Variants in ARSG observed in about 807,000 individuals in gnomAD.
ARSG encodes the protein arylsulfatase G, also known as ASG.
A neutral mutation model predicts 50.5 loss-of-function variants in ARSG; 37 were observed. That is an observed-to-expected ratio of 0.73 (90% CI 0.56 to 0.96). The LOEUF is 0.96. Ranked by LOEUF, ARSG falls within the 50% of genes least tolerant of loss-of-function variation. ARSG has a pLI of 0.00. For missense variants in ARSG, 629 were observed against 675.3 expected (o/e 0.93, Z 0.76); for synonymous variants, 225 against 254.6 (o/e 0.88, Z 1.11).
intron 2 of ARSG, among the ~76,000 whole-genome samples, chr17:68,337,765 G>A (rs993324477): frequency 6.6e-6 from 1 of 152,032 alleles, no homozygotes; most frequent in Admixed American, 6.6e-5. Flanking sequence ...CTACAGGCAT[G>A]TGCCACCACG....
chr17:68,316,306 A>G (rs2077069024), intron 2 of ARSG, among the ~76,000 whole-genome samples: 5 of 151,998 alleles, frequency 3.3e-5, no homozygotes, highest in South Asian at 2.1e-4. Flanking sequence ...TCTCCTACCC[A>G]TTCTCCTGTT....
rs1555748426 is a variant in ARSG at position 68,271,131 on chromosome 17, T to G, written c.-552+11705T>G. ...TGAGGACAAAACCAGCTCCGATCCT[T>G]CCGAAAACTTCTGCAATGGCCATCG... is the stretch of plus-strand genomic sequence containing the variant. On this transcript the variant is annotated intron_variant, in intron 1 of 11. Transcript: ENST00000448504. The surrounding 1 kb of genome is among the most constrained non-coding windows in gnomAD (Gnocchi z 5.3). 6.2e-7 allele frequency: 1 copy of G among 1,614,108 alleles called. No individual in the cohort carries two copies. Among genetic ancestry groups the G allele is most frequent in the Non-Finnish European group, 8.5e-7 (1 of 1,180,018 alleles).
intron 1 of ARSG, chr17:68,267,517 T>C (rs1402464659): frequency 1.3e-5 from 2 of 152,216 alleles, no homozygotes; most frequent in Non-Finnish European, 2.9e-5. Context: ...CAGAGAAATA[T>C]TCAAGCTTGT....
chr17:68,320,983 C>A (rs902065649), intron 2 of ARSG, among the ~76,000 whole-genome samples: 18 of 152,154 alleles, frequency 1.2e-4, no homozygotes, highest in Non-Finnish European at 2.2e-4. Flanking sequence ...CATAACCAAG[C>A]TCAGCTGCCA....
intron 2 of ARSG, among the ~76,000 whole-genome samples, chr17:68,321,699 A>T (rs146415580): frequency 2.3e-3 from 357 of 152,214 alleles, no homozygotes; most frequent in Non-Finnish European, 4.3e-3. Flanking sequence ...AATACACATA[A>T]TTTATGCAAT....
Position 68,385,120 on chromosome 17 carries a change from G to A in ARSG, c.1039G>A (p.Ala347Thr), listed in dbSNP as rs1322772301. 1 of 1,614,058 alleles carries A rather than the reference G, an allele frequency of 6.2e-7. No homozygotes were observed. The highest frequency in any genetic ancestry group is 1.1e-5 in the South Asian group (1 of 91,076). ...AGGAGGGCACCGGGTCCCAGCACTG[G>A]CTTACTGGCCTGGCAGAGTTCCAGT... ...WEGGHRVPAL[A>T]YWPGRVPVNV... is the part of the protein sequence containing the mutation. Residue 347 changes from alanine to threonine, a missense_variant, in exon 9 of 12, where the codon GCT (alanine) becomes ACT (threonine). Ala to Thr is a moderately conservative substitution (Grantham distance 58, BLOSUM62 0). Transcript: ENST00000621439.
At chr17:68,440,202 C>T in the ARSG span, among the ~76,000 whole-genome samples, 1 of 152,182 alleles carries the variant, frequency 6.6e-6, no homozygotes, top group East Asian at 1.9e-4. Context: ...GGAATCCTGC[C>T]TTCCTACCCT....
chr17:68,277,993 T>A (rs2075579052), intron 1 of ARSG: 2 of 775,240 alleles, frequency 2.6e-6, no homozygotes, highest in East Asian at 2.7e-5. Context: ...TATAAGGGAA[T>A]GAAAGCATCA....
chr17:68,368,419 G>C (rs1383998579), intron 6 of ARSG, 129 bp from the exon 7 acceptor site: 3 of 755,114 alleles, frequency 4.0e-6, no homozygotes, highest in Non-Finnish European at 4.3e-6. Flanking sequence ...CTGGATAAAT[G>C]TGTCCTTCTT....
At chr17:68,287,360 A>G (rs2075865237), upstream of ARSG, among the ~76,000 whole-genome samples, 1 of 150,450 alleles carries the variant, frequency 6.6e-6, no homozygotes, top group African/African-American at 2.5e-5. Context: ...GGGTCTCCCT[A>G]TGTTGCCTAG....
the ARSG span, among the ~76,000 whole-genome samples, chr17:68,438,557 C>G: frequency 2.0e-5 from 3 of 152,168 alleles, no homozygotes; most frequent in Non-Finnish European, 4.4e-5. Flanking sequence ...GAGTTAAGAC[C>G]TTACAAATGC....
chr17:68,448,342 G>T, the ARSG span: 1 of 152,350 alleles, frequency 6.6e-6, no homozygotes, highest in Non-Finnish European at 1.5e-5. Context: ...GAAATGTAAA[G>T]GAAGGGAGAA....
In ARSG at chr17:68,395,161, G is replaced by T. The variant is rs754288324; in HGVS notation, c.1180G>T (p.Val394Leu). 6.2e-7 allele frequency: 1 copy of T among 1,614,028 alleles called. No homozygotes were observed. Among genetic ancestry groups the T allele is most frequent in the African/African-American group, 1.3e-5 (1 of 74,934 alleles). ...CTTTGATGGTGTGGACGTCTCCGAG[G>T]TGCTCTTTGGCCGGTCACAGCCTGG... ...RRFDGVDVSE[V>L]LFGRSQPGHR... Residue 394 changes from valine (V) to leucine (L), a missense_variant, in exon 10 of 12, where the codon GTG becomes TTG. Val to Leu is a conservative substitution (Grantham distance 32). Coordinates refer to ENST00000621439, the MANE Select transcript of ARSG (RefSeq NM_001267727.2).
At chr17:68,395,233 G>A (rs1242618874) in intron 10 of ARSG, 40 bp downstream of exon 10, 2 of 1,609,126 alleles carry the variant, frequency 1.2e-6, no homozygotes, top group Non-Finnish European at 1.7e-6. Flanking sequence ...AGGCTCTTTA[G>A]GAGGCTGGTC....
In ARSG at chr17:68,299,724, T is replaced by C. The variant is rs147967309; in HGVS notation, c.-551-7219T>C. Among the ~76,000 whole-genome samples the C allele has an allele frequency of 2.5e-3, 388 of 152,286 alleles. 5 individuals carry two copies. Among genetic ancestry groups the C allele is most frequent in the Middle Eastern group, 0.017 (5 of 294 alleles). Reference sequence around the variant, plus strand: ...ACCAAGTGCAGTGTGTTGTGAACCTTGTCTGGATACTGATTAGAACAAACC... The same window carrying C: ...ACCAAGTGCAGTGTGTTGTGAACCTCGTCTGGATACTGATTAGAACAAACC... On this transcript the variant is annotated intron_variant, in intron 1 of 11. Transcript: ENST00000621439.
the ARSG span, among the ~76,000 whole-genome samples, chr17:68,437,109 C>T: frequency 2.0e-5 from 3 of 151,858 alleles, no homozygotes; most frequent in Non-Finnish European, 2.9e-5. Flanking sequence ...ATTCCATTAT[C>T]CTCTAGGGTT....
intron 6 of ARSG, among the ~76,000 whole-genome samples, chr17:68,357,909 C>T (rs552555922): frequency 1.3e-5 from 2 of 152,082 alleles, no homozygotes; most frequent in Non-Finnish European, 2.9e-5. Context: ...TTAGAAACTA[C>T]TAATTAACAA....
At chr17:68,307,851 G>T in intron 2 of ARSG, 140 bp downstream of exon 2, 1 of 608,864 alleles carries the variant, frequency 1.6e-6, no homozygotes. Flanking sequence ...AATTTGGTTT[G>T]AAGCCAGCAT....
At chr17:68,391,768 C>G (rs1013203478) in intron 9 of ARSG, among the ~76,000 whole-genome samples, 1 of 152,188 alleles carries the variant, frequency 6.6e-6, no homozygotes, top group Non-Finnish European at 1.5e-5. Flanking sequence ...CTGTTCCGTG[C>G]TCTGCGAGTG....
Sources: gnomAD v4.1 joint callset for allele counts (sites outside exome capture counted in the v4.1 genomes callset) on GRCh38, gnomAD v4.1.1 for gene constraint, Gnocchi (gnomAD v3.1) non-coding constraint, MANE v1.5 for transcripts, NCBI Gene and HGNC (gene_info 2026-07-23, HGNC 2026-07-21) for gene names.